The following CWF19L2 variants were observed in gnomAD, a reference collection of about 807,000 sequenced individuals.
CWF19L2 encodes CWF19-like protein 2.
In CWF19L2, 98 loss-of-function variants were observed where a neutral mutation model predicts 111.7. That is an observed-to-expected ratio of 0.88 (90% CI 0.75 to 1.04). The LOEUF is 1.04. CWF19L2 is among the 50% of genes least tolerant of loss of function. CWF19L2 has a pLI of 0.00. For synonymous variants in CWF19L2, 351 were observed against 342.9 expected (o/e 1.02, Z -0.26); for missense variants, 1,101 against 1,051.4 (o/e 1.05, Z -0.65).
intron 12 of CWF19L2, among the ~76,000 whole-genome samples, chr11:107,361,332 G>C (rs1860331693): frequency 2.6e-5 from 4 of 152,184 alleles, no homozygotes; most frequent in South Asian, 4.1e-4. Context: ...GTTTACGTCA[G>C]TACCAAGCTG....
intron 5 of CWF19L2, among the ~76,000 whole-genome samples, 156 bp downstream of exon 5, chr11:107,441,347 C>G (rs1354457188): frequency 6.6e-6 from 1 of 151,890 alleles, no homozygotes; most frequent in Non-Finnish European, 1.5e-5. Context: ...ATTTATTTTT[C>G]TTAAACTGAT....
intron 10 of CWF19L2, among the ~76,000 whole-genome samples, chr11:107,402,591 C>T (rs1374747338): frequency 6.6e-6 from 1 of 151,752 alleles, no homozygotes; most frequent in Non-Finnish European, 1.5e-5. Flanking sequence ...TAGATGTCAG[C>T]GTGGATGCGG....
Position 107,439,180 on chromosome 11 carries a change from T to G in CWF19L2, c.574A>C (p.Lys192Gln), listed in dbSNP as rs752301106. ...GGATTCAATTCTCTTTCCATCAGTT[T>G]GGACTAGAACAAATTATTTTCAGAG... Reference protein sequence around the residue: ...QEKNQALEQSKLMERELNPYW... With the variant: ...QEKNQALEQSQLMERELNPYW... The change falls in exon 6 of 18, where the codon AAA becomes CAA. Residue 192 changes from lysine to glutamine, a missense_variant. By Grantham distance (53) the Lys-to-Gln change is moderately conservative. Transcript: ENST00000282251. 3.0e-5 allele frequency: 47 copies of G among 1,589,676 alleles called. No homozygotes were observed. Among genetic ancestry groups the G allele is most frequent in the Non-Finnish European group, 4.0e-5 (47 of 1,166,028 alleles).
In CWF19L2 at chr11:107,353,584, A is replaced by C. The variant is rs760033354; in HGVS notation, c.2025T>G (p.Cys675Trp). Residue 675 changes from cysteine to tryptophan, a missense_variant, in exon 13 of 18, where the codon TGT becomes TGG. Physicochemically the swap from Cys to Trp is radical, Grantham distance 215 (BLOSUM62 -2). Transcript: ENST00000282251. ...HRSLAAQMEK[C>W]LYCFDSSQFP... is the part of the protein sequence containing the mutation. ...ATTGAGAGCTGTCAAAACAATACAG[A>C]CATTTTTCCATTTGTGCAGCAAGAC... 1 of 1,613,818 alleles carries C rather than the reference A, an allele frequency of 6.2e-7. No homozygotes were observed. The highest frequency in any genetic ancestry group is 8.5e-7 in the Non-Finnish European group (1 of 1,179,776).
chr11:107,443,991 C>T (rs1861667839), intron 3 of CWF19L2, among the ~76,000 whole-genome samples: 1 of 152,176 alleles, frequency 6.6e-6, no homozygotes. Context: ...ATTTTGATAA[C>T]TCTTTCTGTT....
At chr11:107,368,853 T>C (rs1447140961) in intron 12 of CWF19L2, among the ~76,000 whole-genome samples, 1 of 138,316 alleles carries the variant, frequency 7.2e-6, no homozygotes, top group African/African-American at 2.9e-5. Flanking sequence ...GTGATAATAA[T>C]GTATTTTAAT....
chr11:107,378,959 A>T (rs1860639847), intron 12 of CWF19L2, among the ~76,000 whole-genome samples: 1 of 152,154 alleles, frequency 6.6e-6, no homozygotes, highest in African/African-American at 2.4e-5. Context: ...CAAAGGAGAG[A>T]TCATTCTCCC....
intron 14 of CWF19L2, among the ~76,000 whole-genome samples, chr11:107,346,886 G>T (rs1336230132): frequency 6.6e-6 from 1 of 152,170 alleles, no homozygotes; most frequent in Non-Finnish European, 1.5e-5. Flanking sequence ...CTTTTTGAAG[G>T]TCTGGCTAGC....
At chr11:107,431,568 T>G (rs1861466014) in intron 7 of CWF19L2, among the ~76,000 whole-genome samples, 1 of 152,096 alleles carries the variant, frequency 6.6e-6, no homozygotes, top group African/African-American at 2.4e-5. Flanking sequence ...AAATATTTAT[T>G]TCTATTGAGC....
intron 12 of CWF19L2, among the ~76,000 whole-genome samples, chr11:107,380,046 C>CA (rs66699460): frequency 0.27 from 9,365 of 34,240 alleles, 2,687 homozygotes; most frequent in Non-Finnish European, 0.31. Context: ...GACACCGTCT[C>CA]AAAAAAAAAA....
At chr11:107,370,809 T>TATC (rs1860496653) in intron 12 of CWF19L2, among the ~76,000 whole-genome samples, 1 of 135,400 alleles carries the variant, frequency 7.4e-6, no homozygotes, top group African/African-American at 3.0e-5. Context: ...ATTAGAATAT[T>TATC]TGTATGTCCA....
chr11:107,433,880 TTATATATATATA>T (rs61304388), intron 6 of CWF19L2, 131 bp from the exon 7 acceptor site: 20,013 of 122,144 alleles, frequency 0.16, 1,780 homozygotes, highest in East Asian at 0.27. Flanking sequence ...CTTTGGAATT[TTATATATATATA>T]TATATATATA....
At chr11:107,378,515 G>A (rs1860630445) in intron 12 of CWF19L2, among the ~76,000 whole-genome samples, 1 of 152,066 alleles carries the variant, frequency 6.6e-6, no homozygotes, top group African/African-American at 2.4e-5. Context: ...ACTATTGCAA[G>A]AACAAAAAAC....
intron 12 of CWF19L2, among the ~76,000 whole-genome samples, chr11:107,356,633 AACTGGTC>A (rs1332364104): frequency 6.6e-6 from 1 of 152,218 alleles, no homozygotes; most frequent in Non-Finnish European, 1.5e-5. Flanking sequence ...AAAATATCAG[AACTGGTC>A]ACTAATCATT....
In CWF19L2 at chr11:107,443,061, T is replaced by C. The variant is rs772418101; in HGVS notation, c.340-12A>G. On this transcript the variant is annotated splice_polypyrimidine_tract_variant and intron_variant, in intron 3 of 17. Transcript: ENST00000282251. ...TCATCTTCAGAGCTCTAAGAACATT[T>C]AGCATATAAGTGAAATTGTCAAATT... The C allele has an allele frequency of 3.3e-6, 5 of 1,495,692 alleles. No homozygotes were observed. Among genetic ancestry groups the C allele is most frequent in the African/African-American group, 1.4e-5 (1 of 71,970 alleles). The allele number at this position is 1,495,692 out of a possible 1,614,324, so 92.7% of individuals were successfully genotyped here. A position where few individuals can be genotyped will look rare whatever the true frequency, so the allele number is the denominator to read the frequency against.
chr11:107,333,786 G>C (rs187968174), intron 16 of CWF19L2, among the ~76,000 whole-genome samples: 1 of 152,128 alleles, frequency 6.6e-6, no homozygotes. Flanking sequence ...TATTAGTTAC[G>C]TGACATGTAA....
chr11:107,332,962 A>T (rs953704244), intron 16 of CWF19L2, among the ~76,000 whole-genome samples: 2 of 152,002 alleles, frequency 1.3e-5, no homozygotes, highest in African/African-American at 4.8e-5. Context: ...TCCACAAAAT[A>T]CAGAAATTAG....
chr11:107,371,894 T>A (rs1860516005), intron 12 of CWF19L2, among the ~76,000 whole-genome samples: 1 of 137,520 alleles, frequency 7.3e-6, no homozygotes, highest in African/African-American at 2.9e-5. Flanking sequence ...TCCCCCCACC[T>A]CCACGTCCAA....
At chr11:107,403,555 GCCTTCT>G in intron 10 of CWF19L2, 1 of 798,204 alleles carries the variant, frequency 1.3e-6, no homozygotes, top group East Asian at 2.5e-5. Flanking sequence ...TAGTAGACGT[GCCTTCT>G]TCACCATTCT....
Sources: gnomAD v4.1 joint callset for allele counts (sites outside exome capture counted in the v4.1 genomes callset) on GRCh38, gnomAD v4.1.1 for gene constraint, MANE v1.5 for transcripts, NCBI Gene and HGNC (gene_info 2026-07-23, HGNC 2026-07-21) for gene names.